Variants in PPP3CC observed in about 807,000 individuals in gnomAD.
PPP3CC encodes the protein protein phosphatase 3 catalytic subunit gamma, also known as serine/threonine-protein phosphatase 2B catalytic subunit gamma isoform.
A neutral mutation model predicts 60.3 loss-of-function variants in PPP3CC; 35 were observed. The observed-to-expected ratio is 0.58, with a 90% CI of 0.44 to 0.77. The LOEUF is 0.77. Among genes scored for constraint, PPP3CC ranks in the 30% least tolerant of loss-of-function variants. The pLI, the probability that PPP3CC is intolerant of heterozygous loss-of-function variation, is 0.00. For missense variants in PPP3CC, 570 were observed against 628.9 expected, an observed-to-expected ratio of 0.91 and a Z score of 1.00; for synonymous variants, 206 against 224.3, an observed-to-expected ratio of 0.92 and a Z score of 0.73.
chr8:22,504,665 A>G (rs1838858434), intron 4 of PPP3CC, among the ~76,000 whole-genome samples: 1 of 152,060 alleles, frequency 6.6e-6, no homozygotes, highest in Admixed American at 6.6e-5. Context: ...ATGTACTTAG[A>G]AAGCAAGAAA....
intron 3 of PPP3CC, among the ~76,000 whole-genome samples, chr8:22,493,225 T>A (rs1333817212): frequency 6.6e-6 from 1 of 152,158 alleles, no homozygotes; most frequent in Admixed American, 6.5e-5. Flanking sequence ...AAAATCTAGA[T>A]CTCTAATATT....
At chr8:22,484,008 ATT>A (rs113767441) in intron 3 of PPP3CC, among the ~76,000 whole-genome samples, 2 of 146,014 alleles carry the variant, frequency 1.4e-5, no homozygotes. Context: ...CACTTGGCTA[ATT>A]TTTTTTTTTT....
intron 4 of PPP3CC, among the ~76,000 whole-genome samples, chr8:22,510,665 A>G (rs558805996): frequency 2.0e-5 from 3 of 152,308 alleles, no homozygotes; most frequent in Non-Finnish European, 4.4e-5. Flanking sequence ...GGTACAAGGA[A>G]ATATCCACAG....
At chr8:22,513,210 G>T in intron 5 of PPP3CC, 83 bp from the exon 6 acceptor site, 1 of 1,368,744 alleles carries the variant, frequency 7.3e-7, no homozygotes. Flanking sequence ...TGGGTGAAAG[G>T]GGTTTTTCTT....
At chr8:22,470,055 TATATAC>T (rs1837671878) in intron 1 of PPP3CC, among the ~76,000 whole-genome samples, 1 of 145,830 alleles carries the variant, frequency 6.9e-6, no homozygotes. Context: ...GTGATATATA[TATATAC>T]ACACACACAC....
intron 3 of PPP3CC, 25 bp downstream of exon 3, chr8:22,475,649 G>A (rs1184412186): frequency 1.3e-6 from 2 of 1,590,510 alleles, no homozygotes; most frequent in Non-Finnish European, 1.7e-6. Flanking sequence ...GGATATGTTG[G>A]GACTATTATA....
chr8:22,514,697 TTTTC>T, intron 6 of PPP3CC, among the ~76,000 whole-genome samples: 1 of 112,052 alleles, frequency 8.9e-6, no homozygotes, highest in Admixed American at 9.2e-5. Context: ...TTTTTTTTTT[TTTTC>T]CTTTTTTGAG....
In PPP3CC at chr8:22,441,119, C is replaced by T. The variant is rs11555261; in HGVS notation, c.-291C>T. On this transcript the variant is annotated 5_prime_UTR_variant, in exon 1 of 14. Coordinates refer to ENST00000240139, the MANE Select transcript of PPP3CC (RefSeq NM_005605.5). ...GGGCCGCGAGCAGCCGCGGCCGTCC[C>T]GGTCGCCACCCTTAGCAGCGGTCGC... 6 of 299,436 alleles carry T rather than the reference C, an allele frequency of 2.0e-5. No individual in the cohort carries two copies. The highest frequency in any genetic ancestry group is 1.0e-4 in the Admixed American group (2 of 19,424). 18.5% of individuals were successfully genotyped at this position (299,436 alleles called of 1,614,324 possible).
In PPP3CC at chr8:22,441,135, C is replaced by G. The variant is rs1836651965; in HGVS notation, c.-275C>G. The G allele has an allele frequency of 3.0e-6, 1 of 329,232 alleles. No homozygotes were observed. The highest frequency in any genetic ancestry group is 5.5e-6 in the Non-Finnish European group (1 of 181,846). 20.4% of individuals were successfully genotyped at this position (329,232 alleles called of 1,614,324 possible). On this transcript the variant is annotated 5_prime_UTR_variant, in exon 1 of 14. Coordinates refer to ENST00000240139, the MANE Select transcript of PPP3CC (RefSeq NM_005605.5). ...CGGCCGTCCCGGTCGCCACCCTTAG[C>G]AGCGGTCGCGGTCGGTGCCGAAGCG...
Position 22,441,147 on chromosome 8 carries a change from T to G in PPP3CC, c.-263T>G. ...TCGCCACCCTTAGCAGCGGTCGCGGTCGGTGCCGAAGCGGTGTTCCCCGCC... is the reference window on the plus strand; with the variant it reads ...TCGCCACCCTTAGCAGCGGTCGCGGGCGGTGCCGAAGCGGTGTTCCCCGCC... On this transcript the variant is annotated 5_prime_UTR_variant, in exon 1 of 14. Transcript: ENST00000240139. 41 of 332,806 alleles carry G rather than the reference T, an allele frequency of 1.2e-4. No homozygotes were observed. Among genetic ancestry groups the G allele is most frequent in the Non-Finnish European group, 1.7e-4 (31 of 183,672 alleles). 20.6% of individuals were successfully genotyped at this position (332,806 alleles called of 1,614,324 possible). A position where few individuals can be genotyped will look rare whatever the true frequency, so the allele number is the denominator to read the frequency against.
intron 1 of PPP3CC, among the ~76,000 whole-genome samples, chr8:22,456,272 C>T (rs1837192717): frequency 6.6e-6 from 1 of 152,172 alleles, no homozygotes; most frequent in African/African-American, 2.4e-5. Context: ...AGATCTACAT[C>T]AGATTTTACT....
chr8:22,496,572 A>T (rs1459664694), intron 3 of PPP3CC, among the ~76,000 whole-genome samples: 6 of 130,200 alleles, frequency 4.6e-5, no homozygotes, highest in African/African-American at 1.8e-4. Flanking sequence ...ATCTTGGCTC[A>T]CTGCAACCTC....
At chr8:22,528,226 T>C (rs1386467249) in intron 9 of PPP3CC, among the ~76,000 whole-genome samples, 6 of 152,174 alleles carry the variant, frequency 3.9e-5, no homozygotes, top group African/African-American at 1.2e-4. Context: ...TGTGTATCAG[T>C]GTGGGAAGAA....
chr8:22,530,352 G>C (rs368318695), intron 10 of PPP3CC, among the ~76,000 whole-genome samples: 41 of 151,630 alleles, frequency 2.7e-4, no homozygotes, highest in African/African-American at 9.7e-4. Context: ...CTACTTGGGG[G>C]CCTGAGGTGG....
intron 3 of PPP3CC, among the ~76,000 whole-genome samples, chr8:22,480,924 T>C (rs1460426347): frequency 1.3e-5 from 2 of 152,174 alleles, no homozygotes; most frequent in Non-Finnish European, 2.9e-5. Flanking sequence ...CTTGTTTCTA[T>C]AAAAATAAAA....
intron 1 of PPP3CC, among the ~76,000 whole-genome samples, chr8:22,457,826 T>C (rs1023193015): frequency 3.9e-5 from 6 of 152,266 alleles, no homozygotes; most frequent in Admixed American, 3.9e-4. Flanking sequence ...GCGCAGTGGC[T>C]TACGCCTGTA....
chr8:22,473,752 C>T (rs1372671389), intron 1 of PPP3CC, among the ~76,000 whole-genome samples: 2 of 151,626 alleles, frequency 1.3e-5, no homozygotes, highest in Non-Finnish European at 2.9e-5. Context: ...GCGTGAGCCA[C>T]ACCACACCCG....
At chr8:22,451,020 T>TTA (rs1563671712) in intron 1 of PPP3CC, among the ~76,000 whole-genome samples, 1 of 149,118 alleles carries the variant, frequency 6.7e-6, no homozygotes. Flanking sequence ...TTTTTTTTTT[T>TTA]AATAGAGATG....
intron 10 of PPP3CC, among the ~76,000 whole-genome samples, chr8:22,529,902 G>C (rs1228056389): frequency 1.3e-5 from 2 of 152,260 alleles, no homozygotes; most frequent in African/African-American, 4.8e-5. Context: ...TGATTATAAA[G>C]GTAGGTCCTG....
Sources: allele counts gnomAD v4.1 joint callset (sites outside exome capture counted in the v4.1 genomes callset), GRCh38; gene constraint gnomAD v4.1.1; transcripts MANE v1.5; gene names NCBI Gene and HGNC (gene_info 2026-07-23, HGNC 2026-07-21).